Variants in LRMDA observed in about 807,000 individuals in gnomAD.
LRMDA encodes the protein leucine rich melanocyte differentiation associated, also known as leucine-rich melanocyte differentiation-associated protein.
LRMDA carries 18 observed loss-of-function variants against 29.8 expected under a neutral mutation model. The observed-to-expected ratio is 0.60, with a 90% CI of 0.42 to 0.90. The LOEUF (loss-of-function observed/expected upper bound fraction) is 0.90. LRMDA is among the 40% of genes least tolerant of loss of function. The probability of loss-of-function intolerance (pLI) is 0.00; values close to 1 mark genes in which losing one functional copy is unlikely to be tolerated. For missense variants in LRMDA, 273 were observed against 273.9 expected, an observed-to-expected ratio of 1.00 and a Z score of 0.02; for synonymous variants, 125 against 109.4, an observed-to-expected ratio of 1.14 and a Z score of -0.89.
intron 2 of LRMDA, among the ~76,000 whole-genome samples, chr10:76,021,378 A>G (rs1467132123): frequency 6.6e-6 from 1 of 152,222 alleles, no homozygotes; most frequent in African/African-American, 2.4e-5. Context: ...AGAAGGTGAT[A>G]GGAATAAAAC....
chr10:75,903,858 T>A (rs965137522), intron 2 of LRMDA, among the ~76,000 whole-genome samples: 1 of 152,244 alleles, frequency 6.6e-6, no homozygotes, highest in Non-Finnish European at 1.5e-5. Context: ...GCTTAGCCCC[T>A]AACTAGTTCT....
intron 6 of LRMDA, among the ~76,000 whole-genome samples, chr10:76,431,787 C>A (rs544343037): frequency 9.2e-5 from 14 of 152,242 alleles, no homozygotes; most frequent in South Asian, 6.2e-4. Context: ...TGGGAGGAAC[C>A]TGGTGGGAGG....
At chr10:76,233,282 A>G (rs1852093895) in intron 5 of LRMDA, among the ~76,000 whole-genome samples, 1 of 152,264 alleles carries the variant, frequency 6.6e-6, no homozygotes, top group Admixed American at 6.5e-5. Flanking sequence ...GGTGTATGAT[A>G]ACATTATGTC....
chr10:75,677,424 T>TA (rs1006822288), intron 2 of LRMDA, among the ~76,000 whole-genome samples: 9 of 151,432 alleles, frequency 5.9e-5, no homozygotes, highest in South Asian at 4.2e-4. Context: ...GAATCAGGTT[T>TA]AAAAAAAAAG....
intron 6 of LRMDA, among the ~76,000 whole-genome samples, chr10:76,491,493 G>A (rs897320419): frequency 2.0e-5 from 3 of 151,772 alleles, no homozygotes; most frequent in Admixed American, 1.3e-4. Context: ...TTAAATTAAT[G>A]TTATGCCACT....
At chr10:75,590,318 C>T (rs559595552) in intron 2 of LRMDA, among the ~76,000 whole-genome samples, 13 of 152,208 alleles carry the variant, frequency 8.5e-5, no homozygotes, top group South Asian at 6.2e-4. Context: ...CACACCCAGC[C>T]GGAAGCTGAT....
At chr10:75,682,760 C>G (rs961199085) in intron 2 of LRMDA, among the ~76,000 whole-genome samples, 1 of 152,084 alleles carries the variant, frequency 6.6e-6, no homozygotes, top group Non-Finnish European at 1.5e-5. Flanking sequence ...TTATTTTCTT[C>G]CTCACAAGGA....
At chr10:76,443,840 T>C (rs542561953) in intron 6 of LRMDA, among the ~76,000 whole-genome samples, 6 of 152,360 alleles carry the variant, frequency 3.9e-5, no homozygotes, top group Non-Finnish European at 7.3e-5. Flanking sequence ...TGAGAGCTTA[T>C]GAGTTAAAAT....
intron 2 of LRMDA, among the ~76,000 whole-genome samples, chr10:75,767,947 G>T (rs1358444963): frequency 6.6e-6 from 1 of 152,186 alleles, no homozygotes; most frequent in African/African-American, 2.4e-5. Context: ...ATGTGAAGGG[G>T]CTGGCCTTGG....
At chr10:75,542,278 CT>C (rs1056764058) in intron 2 of LRMDA, among the ~76,000 whole-genome samples, 128 of 145,852 alleles carry the variant, frequency 8.8e-4, no homozygotes, top group East Asian at 2.8e-3. Flanking sequence ...AAGCCTGAAA[CT>C]TTTTTTTTTT....
chr10:75,477,203 C>T (rs898805859), intron 2 of LRMDA, among the ~76,000 whole-genome samples: 2 of 152,088 alleles, frequency 1.3e-5, no homozygotes, highest in African/African-American at 4.8e-5. Flanking sequence ...TGGTCTTGAG[C>T]TCCTGGCCTC....
chr10:76,488,942 C>T (rs902001363), intron 6 of LRMDA, among the ~76,000 whole-genome samples: 1 of 151,606 alleles, frequency 6.6e-6, no homozygotes, highest in Non-Finnish European at 1.5e-5. Context: ...GGGATATTGG[C>T]CTATAGTTTT....
chr10:75,849,663 A>C (rs1844698469), intron 2 of LRMDA, among the ~76,000 whole-genome samples: 1 of 152,178 alleles, frequency 6.6e-6, no homozygotes, highest in Non-Finnish European at 1.5e-5. Context: ...TGGGCTTAAT[A>C]ACTAGGTGAT....
chr10:75,784,992 C>A (rs1843447900), intron 2 of LRMDA, among the ~76,000 whole-genome samples: 1 of 152,216 alleles, frequency 6.6e-6, no homozygotes. Context: ...TAGCCAGATT[C>A]TCCATGCGCC....
intron 2 of LRMDA, among the ~76,000 whole-genome samples, chr10:75,730,813 AAATT>A (rs1485953300): frequency 2.0e-5 from 3 of 152,126 alleles, no homozygotes; most frequent in Non-Finnish European, 4.4e-5. Context: ...TGAAGAAAGA[AAATT>A]AATTATTTTC....
intron 2 of LRMDA, among the ~76,000 whole-genome samples, chr10:75,937,510 C>CAA (rs1428424589): frequency 6.6e-6 from 1 of 152,202 alleles, no homozygotes; most frequent in Non-Finnish European, 1.5e-5. Flanking sequence ...CAAAGTAAAG[C>CAA]AGGTGCTGTG....
intron 2 of LRMDA, among the ~76,000 whole-genome samples, chr10:75,565,739 AC>A (rs1840363995): frequency 6.6e-6 from 1 of 152,316 alleles, no homozygotes; most frequent in East Asian, 1.9e-4. Context: ...TGTACTTCCT[AC>A]TTAGTTTTAA....
At chr10:76,022,450 A>G (rs1453304650) in intron 2 of LRMDA, among the ~76,000 whole-genome samples, 1 of 152,204 alleles carries the variant, frequency 6.6e-6, no homozygotes, top group Non-Finnish European at 1.5e-5. Flanking sequence ...ATGTTTTCAC[A>G]AGCAACGTGT....
chr10:76,528,708 T>G (rs1330884394), intron 6 of LRMDA, among the ~76,000 whole-genome samples: 1 of 152,156 alleles, frequency 6.6e-6, no homozygotes, highest in Admixed American at 6.5e-5. Context: ...CCAGTAGCTT[T>G]AAGAAAATAC....
Sources: gnomAD v4.1 joint callset for allele counts (sites outside exome capture counted in the v4.1 genomes callset) on GRCh38, gnomAD v4.1.1 for gene constraint, MANE v1.5 for transcripts, NCBI Gene and HGNC (gene_info 2026-07-23, HGNC 2026-07-21) for gene names.